CFAP54: variants seen among roughly 807,000 people sequenced by gnomAD.
CFAP54 encodes cilia and flagella associated protein 54.
Under a neutral mutation model 370.4 loss-of-function variants are expected in CFAP54, and 290 were observed. That is an observed-to-expected ratio of 0.78 (90% CI 0.71 to 0.86). The LOEUF is 0.86. CFAP54 is among the 40% of genes least tolerant of loss of function. The pLI, the probability that CFAP54 is intolerant of heterozygous loss-of-function variation, is 0.00. For synonymous variants in CFAP54, 1,206 were observed against 1,236.5 expected (o/e 0.98, Z 0.52); for missense variants, 3,399 against 3,528.7 (o/e 0.96, Z 0.93).
At chr12:96,554,395 G>T in intron 16 of CFAP54, 85 bp downstream of exon 16, 1 of 1,401,406 alleles carries the variant, frequency 7.1e-7, no homozygotes, top group South Asian at 1.7e-5. Flanking sequence ...AGTAAAGCAT[G>T]ACTTGTGTTG....
At chr12:96,684,163 CAT>C (rs569149975) in intron 40 of CFAP54, among the ~76,000 whole-genome samples, 38 of 152,316 alleles carry the variant, frequency 2.5e-4, no homozygotes, top group African/African-American at 7.7e-4. Context: ...GATCTTGTCA[CAT>C]GTCTGCTAAA....
At chr12:96,536,521 A>G (rs1955505162) in intron 12 of CFAP54, among the ~76,000 whole-genome samples, 1 of 152,202 alleles carries the variant, frequency 6.6e-6, no homozygotes, top group Non-Finnish European at 1.5e-5. Flanking sequence ...GGTGTTTGGC[A>G]GTAAATAAAT....
chr12:96,670,470 G>A (rs563948651), intron 39 of CFAP54, among the ~76,000 whole-genome samples: 1 of 152,294 alleles, frequency 6.6e-6, no homozygotes, highest in Admixed American at 6.5e-5. Flanking sequence ...AAGTGACACA[G>A]GTCATGTCTG....
chr12:96,581,659 T>C (rs1725138482), intron 22 of CFAP54, among the ~76,000 whole-genome samples: 1 of 141,814 alleles, frequency 7.1e-6, no homozygotes, highest in Admixed American at 7.6e-5. Context: ...ATCTGCCTAT[T>C]TATCTATCTA....
chr12:96,558,878 G>A (rs1955784784), intron 17 of CFAP54, among the ~76,000 whole-genome samples: 1 of 152,074 alleles, frequency 6.6e-6, no homozygotes, highest in African/African-American at 2.4e-5. Flanking sequence ...TGGACAAATA[G>A]GATCATATCA....
At chr12:96,865,292 C>T (rs552293508) in intron 67 of CFAP54, among the ~76,000 whole-genome samples, 131 of 152,186 alleles carry the variant, frequency 8.6e-4, no homozygotes, top group African/African-American at 2.9e-3. Context: ...AAACAACATT[C>T]GTAAATGGAT....
intron 56 of CFAP54, among the ~76,000 whole-genome samples, chr12:96,755,795 G>C (rs1958250267): frequency 6.6e-6 from 1 of 151,536 alleles, no homozygotes; most frequent in Non-Finnish European, 1.5e-5. Flanking sequence ...AGCCTCCTGA[G>C]TGGCTGGGAT....
chr12:96,691,125 C>T lies in CFAP54; in HGVS notation c.6082-3C>T. 1 of 1,605,868 alleles carries T rather than the reference C, an allele frequency of 6.2e-7. No individual in the cohort carries two copies. Among genetic ancestry groups the T allele is most frequent in the Non-Finnish European group, 8.5e-7 (1 of 1,177,610 alleles). The stretch of plus-strand genomic sequence containing the variant: ...TTTATATTTCACTTTTTTTCATTTT[C>T]AGGGTTTGCTTAGAACAACACTTCC... On this transcript the variant is annotated splice_region_variant and splice_polypyrimidine_tract_variant and intron_variant, in intron 43 of 67. Coordinates refer to ENST00000524981, the MANE Select transcript of CFAP54 (RefSeq NM_001306084.2).
chr12:96,490,035 A>C, intron 1 of CFAP54, 109 bp downstream of exon 1: 1 of 1,064,246 alleles, frequency 9.4e-7, no homozygotes, highest in Non-Finnish European at 1.3e-6. Context: ...TTGCGGACGC[A>C]GGGGCTGGCT....
chr12:96,537,845 T>TG (rs1833819398), intron 12 of CFAP54, among the ~76,000 whole-genome samples: 1 of 151,864 alleles, frequency 6.6e-6, no homozygotes, highest in African/African-American at 2.4e-5. Context: ...CCCAGTACTT[T>TG]GGGATGGCAC....
In CFAP54 at chr12:96,654,627, A is replaced by T. The variant is rs117412315; in HGVS notation, c.5100+2812A>T. On this transcript the variant is annotated intron_variant, in intron 36 of 67. Coordinates refer to ENST00000524981, the MANE Select transcript of CFAP54 (RefSeq NM_001306084.2). ...ACAGTACATTTTCGTGAAGTATTGC[A>T]TTTACTCCTTTTATCTTACTGCTCC... 9.6e-4 allele frequency among the ~76,000 whole-genome samples: 146 copies of T among 152,124 alleles called. No homozygotes were observed. The East Asian group carries it at 0.024, about 25-fold the overall frequency.
At chr12:96,542,509 AAAAAT>A (rs1955588041) in intron 14 of CFAP54, among the ~76,000 whole-genome samples, 1 of 152,216 alleles carries the variant, frequency 6.6e-6, no homozygotes, top group Non-Finnish European at 1.5e-5. Context: ...GGTGGAGAGA[AAAAAT>A]AAATCACCAT....
intron 38 of CFAP54, 103 bp from the exon 39 acceptor site, chr12:96,663,727 C>T: frequency 1.3e-6 from 1 of 756,402 alleles, no homozygotes; most frequent in South Asian, 1.8e-5. Flanking sequence ...TGTTATGTAT[C>T]TCTTTATTCT....
At chr12:96,540,113 T>G (rs1021767232) in intron 13 of CFAP54, 2 of 151,996 alleles carry the variant, frequency 1.3e-5, no homozygotes, top group African/African-American at 4.8e-5. Flanking sequence ...TTCTTTCTCT[T>G]TTTTTTTGAG....
chr12:96,845,586 A>G (rs960377995), intron 66 of CFAP54, among the ~76,000 whole-genome samples: 1 of 152,224 alleles, frequency 6.6e-6, no homozygotes, highest in African/African-American at 2.4e-5. Context: ...GGGCCACCCC[A>G]GCCTCAAAAT....
chr12:96,521,099 C>A (rs1458962061), intron 6 of CFAP54, among the ~76,000 whole-genome samples: 2 of 152,056 alleles, frequency 1.3e-5, no homozygotes, highest in Non-Finnish European at 2.9e-5. Context: ...GCCATTTGAT[C>A]CCTATTGGGA....
intron 48 of CFAP54, among the ~76,000 whole-genome samples, chr12:96,717,934 T>G (rs1957703882): frequency 6.6e-6 from 1 of 152,234 alleles, no homozygotes. Flanking sequence ...CCTTCTAATA[T>G]ATGACATTAG....
Position 96,638,402 on chromosome 12 carries a change from A to AT in CFAP54, c.4317-5762dup, listed in dbSNP as rs749678371. On this transcript the variant is annotated intron_variant, in intron 32 of 67. Coordinates refer to ENST00000524981, the MANE Select transcript of CFAP54 (RefSeq NM_001306084.2). ...AGGCATGTACCACCACACCTGGCTA[A>AT]TTTTTTTTTTTTTTAATTGTAGAGA... is the stretch of plus-strand genomic sequence containing the variant. 8.5e-4 allele frequency among the ~76,000 whole-genome samples: 121 copies of AT among 142,216 alleles called. 2 individuals carry two copies. Among genetic ancestry groups the AT allele is most frequent in the South Asian group, 3.4e-3 (15 of 4,436 alleles). 93.3% of individuals were successfully genotyped at this position (142,216 alleles called of 152,430 possible).
At chr12:96,494,365 A>G (rs1441454899) in intron 1 of CFAP54, among the ~76,000 whole-genome samples, 1 of 152,126 alleles carries the variant, frequency 6.6e-6, no homozygotes, top group Non-Finnish European at 1.5e-5. Context: ...CAGTGGTGCA[A>G]TCTCAGCTCA....
Sources: gnomAD v4.1 joint callset for allele counts (sites outside exome capture counted in the v4.1 genomes callset) on GRCh38, gnomAD v4.1.1 for gene constraint, MANE v1.5 for transcripts, NCBI Gene and HGNC (gene_info 2026-07-23, HGNC 2026-07-21) for gene names.